CWC27: variants seen among roughly 807,000 people sequenced by gnomAD.
CWC27 encodes the protein spliceosome-associated protein CWC27 homolog.
In CWC27, 47 loss-of-function variants were observed where a neutral mutation model predicts 63.6. The observed-to-expected ratio is 0.74, with a 90% CI of 0.58 to 0.94. CWC27 has a LOEUF of 0.94. Ranked by LOEUF, CWC27 falls within the 40% of genes least tolerant of loss-of-function variation. The pLI, the probability that CWC27 is intolerant of heterozygous loss-of-function variation, is 0.00. For missense variants in CWC27, 495 were observed against 554.3 expected, an observed-to-expected ratio of 0.89 and a Z score of 1.07; for synonymous variants, 175 against 179.8, an observed-to-expected ratio of 0.97 and a Z score of 0.22.
At chr5:64,811,330 TA>T (rs1744871633) in intron 10 of CWC27, among the ~76,000 whole-genome samples, 1 of 152,078 alleles carries the variant, frequency 6.6e-6, no homozygotes. Flanking sequence ...GACTAAACAA[TA>T]AAATCAGCTG....
At chr5:64,904,790 T>G (rs1040281019) in intron 11 of CWC27, among the ~76,000 whole-genome samples, 1 of 152,200 alleles carries the variant, frequency 6.6e-6, no homozygotes, top group Admixed American at 6.5e-5. Context: ...ATGACTCAGA[T>G]AAGGATTGGA....
chr5:64,773,309 C>G (rs989493936), intron 1 of CWC27, among the ~76,000 whole-genome samples: 14 of 152,086 alleles, frequency 9.2e-5, no homozygotes, highest in African/African-American at 3.4e-4. Context: ...TGAAAGACCC[C>G]TATATAATTT....
intron 10 of CWC27, among the ~76,000 whole-genome samples, chr5:64,875,820 A>T (rs1269575329): frequency 1.3e-5 from 2 of 152,094 alleles, no homozygotes; most frequent in Non-Finnish European, 2.9e-5. Flanking sequence ...TAGATTCTGT[A>T]AATAGCAAGA....
intron 13 of CWC27, among the ~76,000 whole-genome samples, chr5:65,006,846 G>A (rs1348723323): frequency 6.6e-6 from 1 of 151,862 alleles, no homozygotes; most frequent in African/African-American, 2.4e-5. Context: ...TAGGTATTGG[G>A]CTTAATACAT....
At chr5:64,835,964 T>G (rs1421378672) in intron 10 of CWC27, among the ~76,000 whole-genome samples, 7 of 151,876 alleles carry the variant, frequency 4.6e-5, no homozygotes, top group Non-Finnish European at 8.8e-5. Context: ...TAAGTTTAAT[T>G]TTGGTGATAA....
At chr5:64,913,415 A>G (rs1271014867) in intron 11 of CWC27, among the ~76,000 whole-genome samples, 2 of 152,088 alleles carry the variant, frequency 1.3e-5, no homozygotes, top group Admixed American at 1.3e-4. Flanking sequence ...AAAAGATTTG[A>G]AAAGGAAGAA....
At chr5:64,850,777 A>G (rs1746113909) in intron 10 of CWC27, among the ~76,000 whole-genome samples, 1 of 152,232 alleles carries the variant, frequency 6.6e-6, no homozygotes, top group Non-Finnish European at 1.5e-5. Flanking sequence ...TTTCTCAAAA[A>G]AAGACACAAA....
Position 64,821,384 on chromosome 5 carries a change from C to T in CWC27, c.938+16998C>T, listed in dbSNP as rs570919833. On this transcript the variant is annotated intron_variant, in intron 10 of 13. Coordinates refer to ENST00000381070, the MANE Select transcript of CWC27 (RefSeq NM_005869.4). Reference sequence around the variant, plus strand: ...GGTCACAAGAGCTTAACAGATATTTCCCCAAAGATAATAGATGAGGCAAAT... The same window carrying T: ...GGTCACAAGAGCTTAACAGATATTTTCCCAAAGATAATAGATGAGGCAAAT... Among the ~76,000 whole-genome samples the T allele has an allele frequency of 4.6e-5, 7 of 152,166 alleles. No homozygotes were observed. In the East Asian group the frequency reaches 1.4e-3, roughly 29 times the overall value.
chr5:65,008,423 G>A (rs961248363), intron 13 of CWC27, among the ~76,000 whole-genome samples: 10 of 152,204 alleles, frequency 6.6e-5, no homozygotes, highest in Admixed American at 2.6e-4. Context: ...GCAGTGTACC[G>A]TACAGGGTGG....
At chr5:64,974,996 G>T (rs2968202) in intron 12 of CWC27, among the ~76,000 whole-genome samples, 69,164 of 151,968 alleles carry the variant, frequency 0.46, 15,905 homozygotes, top group African/African-American at 0.5. Context: ...AGATAAAACA[G>T]CTAAATGCTA....
chr5:64,986,316 T>A (rs1749426629), intron 13 of CWC27, among the ~76,000 whole-genome samples: 1 of 152,152 alleles, frequency 6.6e-6, no homozygotes, highest in African/African-American at 2.4e-5. Context: ...CAGCAACAAA[T>A]AAGAACTTCT....
intron 11 of CWC27, among the ~76,000 whole-genome samples, chr5:64,959,300 T>C (rs1224740133): frequency 6.6e-6 from 1 of 152,112 alleles, no homozygotes; most frequent in Non-Finnish European, 1.5e-5. Flanking sequence ...CTTTAGTCTC[T>C]GGTCACTAAA....
chr5:64,928,943 A>C (rs74777002), intron 11 of CWC27, among the ~76,000 whole-genome samples: 198 of 151,984 alleles, frequency 1.3e-3, no homozygotes, highest in African/African-American at 4.5e-3. Flanking sequence ...CAAATCTTGA[A>C]CTTTTCTCAG....
chr5:65,012,405 G>A (rs1240702623), intron 13 of CWC27, among the ~76,000 whole-genome samples: 1 of 152,184 alleles, frequency 6.6e-6, no homozygotes, highest in African/African-American at 2.4e-5. Context: ...ACATGGGAAA[G>A]CTTTTTGTAG....
intron 11 of CWC27, among the ~76,000 whole-genome samples, chr5:64,944,592 C>T (rs767617176): frequency 3.9e-5 from 6 of 152,144 alleles, no homozygotes; most frequent in Non-Finnish European, 7.3e-5. Context: ...TATTTCAAAC[C>T]TGCTCCTCCT....
intron 10 of CWC27, among the ~76,000 whole-genome samples, chr5:64,877,816 A>C (rs916635270): frequency 1.3e-5 from 2 of 151,864 alleles, no homozygotes; most frequent in Non-Finnish European, 2.9e-5. Context: ...TTAAGATGTC[A>C]GTGTCATGTT....
intron 13 of CWC27, among the ~76,000 whole-genome samples, chr5:64,993,626 AG>A (rs1212033819): frequency 6.6e-6 from 1 of 152,008 alleles, no homozygotes; most frequent in African/African-American, 2.4e-5. Flanking sequence ...GGGAATATAT[AG>A]TCATGGATTC....
intron 13 of CWC27, among the ~76,000 whole-genome samples, chr5:64,982,945 G>T (rs1478114043): frequency 6.6e-6 from 1 of 152,068 alleles, no homozygotes; most frequent in Non-Finnish European, 1.5e-5. Flanking sequence ...TCATAGGAGC[G>T]CAAACCCTGT....
Position 64,771,985 on chromosome 5 carries a change from C to G in CWC27, c.43-2706C>G, listed in dbSNP as rs74430443. Among the ~76,000 whole-genome samples, 12 of 152,288 alleles carry G rather than the reference C, an allele frequency of 7.9e-5. No homozygotes were observed. The East Asian group carries it at 2.1e-3, about 27-fold the overall frequency. On this transcript the variant is annotated intron_variant, in intron 1 of 13. Transcript: ENST00000381070. ...TTGAGCACTTATTATTTGTCATTTA[C>G]TTTTCTAAGCAGTCTATGTATTACA...
Sources: allele counts gnomAD v4.1 joint callset (sites outside exome capture counted in the v4.1 genomes callset), GRCh38; gene constraint gnomAD v4.1.1; transcripts MANE v1.5; gene names NCBI Gene and HGNC (gene_info 2026-07-23, HGNC 2026-07-21).